TBC1D32: variants seen among roughly 807,000 people sequenced by gnomAD.
TBC1D32 encodes protein broad-minded.
A neutral mutation model predicts 170.3 loss-of-function variants in TBC1D32; 151 were observed. The observed-to-expected ratio is 0.89, with a 90% CI of 0.78 to 1.01. TBC1D32 has a LOEUF of 1.01. Among genes scored for constraint, TBC1D32 ranks in the 50% least tolerant of loss-of-function variants. TBC1D32 has a pLI of 0.00. For synonymous variants in TBC1D32, 498 were observed against 488.0 expected (o/e 1.02, Z -0.27); for missense variants, 1,464 against 1,457.1 (o/e 1.00, Z -0.08).
At chr6:121,124,720 T>C (rs1442197205) in intron 26 of TBC1D32, among the ~76,000 whole-genome samples, 2 of 152,136 alleles carry the variant, frequency 1.3e-5, no homozygotes, top group Admixed American at 6.5e-5. Flanking sequence ...TTCCTTTTCA[T>C]CATTTTTTCT....
chr6:121,157,910 C>T (rs1399507339), intron 24 of TBC1D32, among the ~76,000 whole-genome samples: 1 of 152,042 alleles, frequency 6.6e-6, no homozygotes, highest in East Asian at 1.9e-4. Context: ...GGTGACCCAA[C>T]CTTTCTCTCT....
At chr6:121,113,916 C>T (rs1779442428) in intron 27 of TBC1D32, among the ~76,000 whole-genome samples, 1 of 151,992 alleles carries the variant, frequency 6.6e-6, no homozygotes, top group Admixed American at 6.6e-5. Context: ...TGGCTCACAC[C>T]CGTAATCCCA....
intron 24 of TBC1D32, among the ~76,000 whole-genome samples, chr6:121,151,103 C>G (rs190184457): frequency 1.5e-4 from 23 of 152,152 alleles, no homozygotes; most frequent in African/African-American, 5.5e-4. Flanking sequence ...ATCAGGGTGT[C>G]GATTTTAGGT....
chr6:121,307,856 C>T (rs1470144747), intron 5 of TBC1D32, 120 bp downstream of exon 5: 34 of 1,126,776 alleles, frequency 3.0e-5, no homozygotes, highest in Non-Finnish European at 4.0e-5. Context: ...GAGTGAAACT[C>T]GGTCTCAAAA....
At position 121,308,013 on chromosome 6, in the gene TBC1D32, A is replaced by G. The variant is rs748138763; in HGVS notation, c.653T>C (p.Leu218Pro). The stretch of plus-strand genomic sequence containing the variant: ...ATCAGGATCTGAAAGAGACACGGTC[A>G]GTTTTTCGCAGAGAGTAGTCCAATT... ...CENWTTLCEK[L>P]TVSLSDPDPV... The change falls in exon 5 of 32, where the codon CTG becomes CCG. Residue 218 changes from leucine to proline, a missense_variant. Physicochemically the swap from Leu to Pro is moderately conservative, Grantham distance 98 (BLOSUM62 -3). Transcript: ENST00000398212. The G allele has an allele frequency of 3.1e-6, 5 of 1,613,738 alleles. No homozygotes were observed. Among genetic ancestry groups the G allele is most frequent in the Non-Finnish European group, 4.2e-6 (5 of 1,179,852 alleles).
At chr6:121,184,458 G>A (rs1273401463) in intron 22 of TBC1D32, among the ~76,000 whole-genome samples, 4 of 151,446 alleles carry the variant, frequency 2.6e-5, no homozygotes, top group African/African-American at 9.7e-5. Flanking sequence ...CAAGAAAATG[G>A]CATAATGCAC....
At chr6:121,082,881 A>G (rs1775783510) in intron 31 of TBC1D32, among the ~76,000 whole-genome samples, 1 of 152,032 alleles carries the variant, frequency 6.6e-6, no homozygotes, top group Non-Finnish European at 1.5e-5. Context: ...GTCTTATTTC[A>G]TAAGAGAAAA....
chr6:121,101,784 G>C (rs9490120), intron 30 of TBC1D32, among the ~76,000 whole-genome samples: 11,060 of 152,138 alleles, frequency 0.073, 427 homozygotes, highest in South Asian at 0.15. Context: ...ATTAGGAAAA[G>C]AGGAAGTCAA....
At chr6:121,279,373 T>A in intron 14 of TBC1D32, 128 bp from the exon 15 acceptor site, 5 of 1,090,540 alleles carry the variant, frequency 4.6e-6, no homozygotes, top group Non-Finnish European at 6.5e-6. Context: ...AGCTTAATGA[T>A]TTGTTTGGCT....
At chr6:121,204,267 TC>T (rs1791950098) in intron 22 of TBC1D32, among the ~76,000 whole-genome samples, 1 of 151,154 alleles carries the variant, frequency 6.6e-6, no homozygotes, top group Non-Finnish European at 1.5e-5. Flanking sequence ...TACTATAAAG[TC>T]CAAACACGAA....
At chr6:121,309,592 G>C (rs1487113237) in intron 4 of TBC1D32, among the ~76,000 whole-genome samples, 2 of 151,546 alleles carry the variant, frequency 1.3e-5, no homozygotes, top group Non-Finnish European at 2.9e-5. Flanking sequence ...ACATAAAAAG[G>C]CTTAGGTTAA....
chr6:121,304,886 G>C, intron 5 of TBC1D32, 53 bp from the exon 6 acceptor site: 1 of 1,182,450 alleles, frequency 8.5e-7, no homozygotes, highest in South Asian at 1.3e-5. Context: ...GAATAGAATA[G>C]AGATGAAACA....
At chr6:121,297,698 G>T (rs1406821654) in intron 10 of TBC1D32, among the ~76,000 whole-genome samples, 3 of 151,986 alleles carry the variant, frequency 2.0e-5, no homozygotes, top group Admixed American at 1.3e-4. Context: ...ATAAACATAA[G>T]ATAGAATAGA....
intron 15 of TBC1D32, among the ~76,000 whole-genome samples, chr6:121,270,974 G>C (rs1023118049): frequency 7.2e-5 from 11 of 151,946 alleles, no homozygotes; most frequent in Non-Finnish European, 1.3e-4. Flanking sequence ...AATCAATAAA[G>C]GTAATCCCTC....
At chr6:121,111,058 G>A (rs1055928213) in intron 29 of TBC1D32, among the ~76,000 whole-genome samples, 5 of 152,088 alleles carry the variant, frequency 3.3e-5, no homozygotes, top group African/African-American at 1.2e-4. Context: ...CGAAAACCCC[G>A]AGCCAGTAAT....
intron 15 of TBC1D32, among the ~76,000 whole-genome samples, chr6:121,273,660 G>C (rs1431816590): frequency 6.7e-6 from 1 of 149,772 alleles, no homozygotes; most frequent in Non-Finnish European, 1.5e-5. Flanking sequence ...AAAAGCTGTT[G>C]AATCAAGTTT....
At chr6:121,179,704 C>T (rs1302810840) in intron 22 of TBC1D32, among the ~76,000 whole-genome samples, 1 of 152,032 alleles carries the variant, frequency 6.6e-6, no homozygotes. Flanking sequence ...TTAATCAAAA[C>T]TGTACAAAAT....
chr6:121,278,715 A>G (rs543862019), intron 15 of TBC1D32, among the ~76,000 whole-genome samples: 2 of 152,290 alleles, frequency 1.3e-5, no homozygotes, highest in African/African-American at 4.8e-5. Context: ...TAAAGAGAAG[A>G]TAAAATATGA....
At chr6:121,263,275 A>T (rs1208159960) in intron 15 of TBC1D32, among the ~76,000 whole-genome samples, 2 of 152,178 alleles carry the variant, frequency 1.3e-5, no homozygotes, top group African/African-American at 2.4e-5. Context: ...GCAGAAAAAA[A>T]GCAGGGGTTT....
Sources: gnomAD v4.1 joint callset for allele counts (sites outside exome capture counted in the v4.1 genomes callset) on GRCh38, gnomAD v4.1.1 for gene constraint, MANE v1.5 for transcripts, NCBI Gene and HGNC (gene_info 2026-07-23, HGNC 2026-07-21) for gene names.